PAX5: variants seen among roughly 807,000 people sequenced by gnomAD.
PAX5 encodes paired box protein Pax-5.
PAX5 carries 9 observed loss-of-function variants against 43.7 expected under a neutral mutation model. That is an observed-to-expected ratio of 0.21 (90% confidence interval 0.12 to 0.36). The LOEUF (loss-of-function observed/expected upper bound fraction) is 0.36. PAX5 is among the 10% of genes least tolerant of loss of function. The pLI is 1.00. For synonymous variants in PAX5, 228 were observed against 214.3 expected (o/e 1.06, Z -0.56); for missense variants, 383 against 532.7 (o/e 0.72, Z 2.77).
intron 7 of PAX5, among the ~76,000 whole-genome samples, chr9:36,902,207 T>C (rs1347754139): frequency 6.6e-6 from 1 of 152,196 alleles, no homozygotes; most frequent in Non-Finnish European, 1.5e-5. Context: ...GACCACCAGT[T>C]AGTGACGTCA....
chr9:36,926,630 C>T (rs944480900), intron 6 of PAX5, among the ~76,000 whole-genome samples: 5 of 152,218 alleles, frequency 3.3e-5, no homozygotes, highest in African/African-American at 4.8e-5. Context: ...TGTGCAAAGA[C>T]GGCAGGTCAA....
chr9:37,004,400 G>T (rs1374054702), intron 4 of PAX5, among the ~76,000 whole-genome samples: 2 of 152,180 alleles, frequency 1.3e-5, no homozygotes, highest in Admixed American at 6.5e-5. Flanking sequence ...ACTTCCTTGG[G>T]CTATAACCAG....
At chr9:36,924,407 G>T (rs541356498) in intron 6 of PAX5, among the ~76,000 whole-genome samples, 3 of 152,098 alleles carry the variant, frequency 2.0e-5, no homozygotes, top group Non-Finnish European at 4.4e-5. Context: ...CCCCACCCCA[G>T]GGCCTATTTT....
At chr9:37,026,811 C>T in intron 1 of PAX5, 1 of 758,040 alleles carries the variant, frequency 1.3e-6, no homozygotes, top group Non-Finnish European at 1.6e-6. Context: ...TGCCCAACTC[C>T]GGCTGGCTTC....
In PAX5 at chr9:36,953,458, T is replaced by C. The variant is rs112542436; in HGVS notation, c.780+13091A>G. Among the ~76,000 whole-genome samples, 1,143 of 152,274 alleles carry C rather than the reference T, an allele frequency of 7.5e-3. 11 individuals carry two copies. The highest frequency in any genetic ancestry group is 0.027 in the African/African-American group (1,120 of 41,578). On this transcript the variant is annotated intron_variant, in intron 6 of 9. Coordinates refer to ENST00000358127, the MANE Select transcript of PAX5 (RefSeq NM_016734.3). ...CTCCTTCCGGCAACCTAATTATAAA[T>C]ATGCTATGCCTCTTAAAATTATCCC...
In PAX5 at chr9:36,882,259, A is replaced by AAC. The variant is rs956393793; in HGVS notation, c.911-156_911-155dup. 7.4e-5 allele frequency among the ~76,000 whole-genome samples: 10 copies of AAC among 135,036 alleles called. No homozygotes were observed. Among genetic ancestry groups the AAC allele is most frequent in the East Asian group, 4.0e-4 (2 of 4,944 alleles). The allele number at this position is 135,036 out of a possible 152,430, so 88.6% of individuals were successfully genotyped here. On this transcript the variant is annotated intron_variant, in intron 7 of 9. Transcript: ENST00000358127. The surrounding 1 kb of genome is among the most constrained non-coding windows in gnomAD (Gnocchi z 4.4). ...CCCCTGTCGCTCACACGCTCTCACA[A>AAC]ACACACATACACACACACACACACA...
chr9:36,895,489 T>TTTTATAA (rs1827785742), intron 7 of PAX5, among the ~76,000 whole-genome samples: 2 of 152,202 alleles, frequency 1.3e-5, no homozygotes, highest in African/African-American at 4.8e-5. Context: ...TACTAGTTGT[T>TTTTATAA]CTATAACCTT....
chr9:36,999,979 T>A (rs1005891253), intron 5 of PAX5, among the ~76,000 whole-genome samples: 1 of 152,032 alleles, frequency 6.6e-6, no homozygotes, highest in Non-Finnish European at 1.5e-5. Flanking sequence ...GGACAACAGG[T>A]AGCTGGAAAA....
At chr9:36,980,296 G>C (rs553199275) in intron 5 of PAX5, among the ~76,000 whole-genome samples, 19 of 152,358 alleles carry the variant, frequency 1.2e-4, no homozygotes, top group Admixed American at 7.2e-4. Flanking sequence ...TCTGCTCAGA[G>C]CTGGCAGAGT....
chr9:36,984,225 A>C (rs917290398), intron 5 of PAX5, among the ~76,000 whole-genome samples: 1 of 152,072 alleles, frequency 6.6e-6, no homozygotes, highest in Non-Finnish European at 1.5e-5. Flanking sequence ...AAACATGCAG[A>C]ATGCACGTTG....
Position 36,879,232 on chromosome 9 carries a change from C to T in PAX5, c.1012+2772G>A, listed in dbSNP as rs117267046. On this transcript the variant is annotated intron_variant, in intron 8 of 9. Coordinates refer to ENST00000358127, the MANE Select transcript of PAX5 (RefSeq NM_016734.3). The stretch of plus-strand genomic sequence containing the variant: ...AATGGGCAAAGAGTCGCCATCCATT[C>T]CCACTGGAGGCTCTGCCAGGCCTGC... Among the ~76,000 whole-genome samples the T allele has an allele frequency of 5.3e-3, 807 of 152,372 alleles. 3 individuals carry two copies. The highest frequency in any genetic ancestry group is 7.5e-3 in the Non-Finnish European group (507 of 68,032).
At chr9:37,012,802 C>T (rs562518870) in intron 3 of PAX5, among the ~76,000 whole-genome samples, 3 of 152,288 alleles carry the variant, frequency 2.0e-5, no homozygotes, top group East Asian at 1.9e-4. Context: ...GTGTTACTTA[C>T]GTTTTTCTAA....
chr9:36,958,288 C>T (rs764835307), intron 6 of PAX5, among the ~76,000 whole-genome samples: 29 of 72,142 alleles, frequency 4.0e-4, no homozygotes, highest in Non-Finnish European at 8.1e-4. Context: ...TCCTTCCACT[C>T]TAAATGTCAG....
Position 36,840,535 on chromosome 9 carries a change from T to A in PAX5, c.*25A>T, listed in dbSNP as rs571534012. The A allele has an allele frequency of 7.0e-6, 11 of 1,569,274 alleles. No homozygotes were observed. The African/African-American group carries it at 1.5e-4, about 21-fold the overall frequency. On this transcript the variant is annotated 3_prime_UTR_variant, in exon 10 of 10. Coordinates refer to ENST00000358127, the MANE Select transcript of PAX5 (RefSeq NM_016734.3). ...TCACCCTCAATAGGTGCCATCAGTG[T>A]TTGGTGCCCGCCTGGCTCCAAGGGT...
intron 6 of PAX5, among the ~76,000 whole-genome samples, chr9:36,947,870 C>T (rs977815802): frequency 6.6e-6 from 1 of 151,982 alleles, no homozygotes; most frequent in Non-Finnish European, 1.5e-5. Flanking sequence ...CCTCTTTCCA[C>T]TTCCCTACCT....
Position 37,002,774 on chromosome 9 carries a change from A to G in PAX5, c.478T>C (p.Ser160Pro), listed in dbSNP as rs962380284. The change falls in exon 5 of 10, where the codon TCC becomes CCC. Residue 160 changes from serine (S) to proline (P), a missense_variant and splice_region_variant. By Grantham distance (74) the Ser-to-Pro change is moderately conservative (BLOSUM62 -1). Transcript: ENST00000358127. Reference protein sequence around the residue: ...PVPASSHSIVSTGSVTQVSSV... With the variant: ...PVPASSHSIVPTGSVTQVSSV... ...GACACCTGCGTCACGGAGCCAGTGG[A>G]CACTGCGCGGAGAAAGACGGGCGGT... The G allele has an allele frequency of 1.4e-5, 23 of 1,607,878 alleles. 1 individual carries two copies. The Admixed American group carries it at 1.5e-4, about 11-fold the overall frequency.
intron 8 of PAX5, among the ~76,000 whole-genome samples, chr9:36,868,411 C>T (rs779443876): frequency 2.6e-5 from 4 of 152,210 alleles, no homozygotes; most frequent in Non-Finnish European, 4.4e-5. Context: ...CGCACGGGGT[C>T]TCTATGGCAG....
chr9:36,899,241 C>T (rs1437807230), intron 7 of PAX5, among the ~76,000 whole-genome samples: 1 of 152,232 alleles, frequency 6.6e-6, no homozygotes, highest in African/African-American at 2.4e-5. Context: ...TCCTGTCCCC[C>T]ACAGTCCCAT....
At chr9:36,997,244 A>C (rs899282781) in intron 5 of PAX5, among the ~76,000 whole-genome samples, 2 of 152,152 alleles carry the variant, frequency 1.3e-5, no homozygotes, top group African/African-American at 4.8e-5. Flanking sequence ...AGAGCCCAGA[A>C]GGCTGGAAAC....
Sources: allele counts gnomAD v4.1 joint callset (sites outside exome capture counted in the v4.1 genomes callset), GRCh38; gene constraint gnomAD v4.1.1; non-coding constraint Gnocchi (gnomAD v3.1); transcripts MANE v1.5; gene names NCBI Gene and HGNC (gene_info 2026-07-23, HGNC 2026-07-21).